PPP3CA: variants seen among roughly 807,000 people sequenced by gnomAD.
PPP3CA encodes the protein protein phosphatase 3 catalytic subunit alpha.
PPP3CA carries 14 observed loss-of-function variants against 66.5 expected under a neutral mutation model. The observed-to-expected ratio is 0.21, with a 90% CI of 0.14 to 0.33. PPP3CA has a LOEUF of 0.33. Ranked by LOEUF, PPP3CA falls within the 10% of genes least tolerant of loss-of-function variation. The pLI is 1.00. For missense variants in PPP3CA, 317 were observed against 639.5 expected, an observed-to-expected ratio of 0.50 and a Z score of 5.44; for synonymous variants, 232 against 226.2, an observed-to-expected ratio of 1.03 and a Z score of -0.23.
intron 1 of PPP3CA, among the ~76,000 whole-genome samples, chr4:101,257,325 T>C (rs1033730881): frequency 1.5e-5 from 2 of 136,626 alleles, no homozygotes; most frequent in African/African-American, 5.7e-5. Flanking sequence ...TCTACATGTA[T>C]GAGACTTTTT....
chr4:101,211,571 C>T (rs1725299484), intron 1 of PPP3CA, among the ~76,000 whole-genome samples: 1 of 152,126 alleles, frequency 6.6e-6, no homozygotes, highest in Admixed American at 6.6e-5. Flanking sequence ...GTTCAGTATT[C>T]AGCTTGTAAA....
At chr4:101,172,292 C>T (rs542439140) in intron 2 of PPP3CA, among the ~76,000 whole-genome samples, 74 of 152,202 alleles carry the variant, frequency 4.9e-4, no homozygotes, top group South Asian at 1.0e-3. Context: ...CTTCTATCTG[C>T]GGCCTTAGAC....
chr4:101,095,844 G>A (rs553328977), intron 5 of PPP3CA, among the ~76,000 whole-genome samples: 10 of 152,214 alleles, frequency 6.6e-5, no homozygotes, highest in African/African-American at 2.4e-4. Context: ...TAGAGATGGG[G>A]TTTCAACATG....
At chr4:101,325,157 T>A (rs1351352644) in intron 1 of PPP3CA, among the ~76,000 whole-genome samples, 2 of 152,200 alleles carry the variant, frequency 1.3e-5, no homozygotes, top group Non-Finnish European at 2.9e-5. Context: ...ATTGGTAGCT[T>A]TAAAAGTTTT....
chr4:101,187,455 G>A (rs1300202235), intron 2 of PPP3CA, among the ~76,000 whole-genome samples: 1 of 152,076 alleles, frequency 6.6e-6, no homozygotes, highest in African/African-American at 2.4e-5. Flanking sequence ...AGAGTCTCAA[G>A]TGGAATGGAT....
chr4:101,124,972 G>A (rs1722200707), intron 2 of PPP3CA, among the ~76,000 whole-genome samples: 1 of 152,164 alleles, frequency 6.6e-6, no homozygotes, highest in South Asian at 2.1e-4. Flanking sequence ...ATCTACAGAT[G>A]TAAAATATTC....
intron 8 of PPP3CA, among the ~76,000 whole-genome samples, chr4:101,076,041 T>A (rs1420770864): frequency 1.3e-5 from 2 of 152,110 alleles, no homozygotes; most frequent in Non-Finnish European, 2.9e-5. Flanking sequence ...GGGCAAATAA[T>A]TTTTTTAAAA....
chr4:101,325,094 G>C (rs1729170613), intron 1 of PPP3CA, among the ~76,000 whole-genome samples: 1 of 152,192 alleles, frequency 6.6e-6, no homozygotes, highest in Non-Finnish European at 1.5e-5. Context: ...GGAAAAAGAT[G>C]CTGGAGGCTT....
intron 1 of PPP3CA, among the ~76,000 whole-genome samples, chr4:101,330,762 T>C (rs1200178387): frequency 6.6e-6 from 1 of 152,136 alleles, no homozygotes; most frequent in Non-Finnish European, 1.5e-5. Context: ...AGGCTAACAG[T>C]GTACAATAAC....
intron 1 of PPP3CA, among the ~76,000 whole-genome samples, chr4:101,228,174 G>A (rs1375706515): frequency 1.3e-5 from 2 of 151,558 alleles, no homozygotes; most frequent in African/African-American, 2.4e-5. Flanking sequence ...ATGTTTCAAC[G>A]AATGTTTCAT....
At chr4:101,222,499 A>G (rs1725658477) in intron 1 of PPP3CA, among the ~76,000 whole-genome samples, 1 of 151,546 alleles carries the variant, frequency 6.6e-6, no homozygotes, top group Non-Finnish European at 1.5e-5. Context: ...TTTTTCTTTC[A>G]ATTCTGTGTG....
chr4:101,267,903 A>C (rs551004153), intron 1 of PPP3CA, among the ~76,000 whole-genome samples: 2 of 149,908 alleles, frequency 1.3e-5, no homozygotes, highest in Admixed American at 1.3e-4. Context: ...AACTTTTAAA[A>C]CCTTTTTAGT....
At chr4:101,042,591 T>A (rs2110212246) in intron 10 of PPP3CA, among the ~76,000 whole-genome samples, 1 of 152,282 alleles carries the variant, frequency 6.6e-6, no homozygotes, top group Admixed American at 6.5e-5. Context: ...GAATTATTAA[T>A]TAGTCTCTCG....
At chr4:101,064,622 T>C (rs1029859695) in intron 8 of PPP3CA, among the ~76,000 whole-genome samples, 1 of 152,036 alleles carries the variant, frequency 6.6e-6, no homozygotes, top group Non-Finnish European at 1.5e-5. Context: ...CACATCTTGG[T>C]ATCTGCCTTA....
chr4:101,146,750 A>G (rs1165422388), intron 2 of PPP3CA, among the ~76,000 whole-genome samples: 7 of 152,122 alleles, frequency 4.6e-5, no homozygotes, highest in Admixed American at 3.9e-4. Flanking sequence ...CAAGAACCAC[A>G]TTTTATTGTA....
chr4:101,028,628 A>C (rs1378671365), intron 13 of PPP3CA, among the ~76,000 whole-genome samples: 1 of 152,224 alleles, frequency 6.6e-6, no homozygotes, highest in Non-Finnish European at 1.5e-5. Context: ...ATTTGATTTA[A>C]GATTACCAGA....
intron 1 of PPP3CA, among the ~76,000 whole-genome samples, chr4:101,307,191 T>C (rs1199741164): frequency 6.7e-6 from 1 of 149,846 alleles, no homozygotes; most frequent in East Asian, 2.0e-4. Flanking sequence ...AAAAAACAGA[T>C]TCTGTTGGTA....
chr4:101,106,421 GAAAGAAAGAAAGAAAGAAAGAAAGAAAGA>G (rs1378828583), intron 3 of PPP3CA, among the ~76,000 whole-genome samples: 2 of 10,206 alleles, frequency 2.0e-4, no homozygotes, highest in East Asian at 2.3e-3. Context: ...AAGAAAGAAA[GAAAGAAAGAAAGAAAGAAAGAAAGAAAGA>G]AAGAGAAAAG....
chr4:101,062,122 C>T (rs1230746939), intron 9 of PPP3CA, among the ~76,000 whole-genome samples: 1 of 151,874 alleles, frequency 6.6e-6, no homozygotes, highest in Non-Finnish European at 1.5e-5. Flanking sequence ...ATAGAAACAA[C>T]CCAAATAAAG....
Sources: gnomAD v4.1 joint callset for allele counts (sites outside exome capture counted in the v4.1 genomes callset) on GRCh38, gnomAD v4.1.1 for gene constraint, MANE v1.5 for transcripts, NCBI Gene and HGNC (gene_info 2026-07-23, HGNC 2026-07-21) for gene names.